The following RPS6KC1 variants were observed in gnomAD, a reference collection of about 807,000 sequenced individuals.
RPS6KC1 encodes the protein ribosomal protein S6 kinase C1.
In RPS6KC1, 54 loss-of-function variants were observed where a neutral mutation model predicts 103.8. The observed-to-expected ratio is 0.52, with a 90% CI of 0.42 to 0.65. RPS6KC1 has a LOEUF of 0.65. Ranked by LOEUF, RPS6KC1 falls within the 30% of genes least tolerant of loss-of-function variation. The pLI, the probability that RPS6KC1 is intolerant of heterozygous loss-of-function variation, is 0.00. For missense variants in RPS6KC1, 1,151 were observed against 1,253.8 expected (o/e 0.92, Z 1.24); for synonymous variants, 439 against 438.7 (o/e 1.00, Z -0.01).
the RPS6KC1 span, among the ~76,000 whole-genome samples, chr1:213,639,316 C>G: frequency 6.6e-6 from 1 of 152,010 alleles, no homozygotes; most frequent in Non-Finnish European, 1.5e-5. Context: ...CCTTTAAAAT[C>G]GATCTGCCTT....
At chr1:213,451,819 A>G in the RPS6KC1 span, among the ~76,000 whole-genome samples, 10 of 152,314 alleles carry the variant, frequency 6.6e-5, no homozygotes, top group African/African-American at 2.4e-4. Flanking sequence ...TTGAAGGCTA[A>G]AAGGTGAAGG....
At chr1:213,641,813 A>T in the RPS6KC1 span, among the ~76,000 whole-genome samples, 1 of 55,392 alleles carries the variant, frequency 1.8e-5, no homozygotes, top group Non-Finnish European at 3.7e-5. Context: ...TGCCCCACCC[A>T]CCCCCACCCC....
the RPS6KC1 span, among the ~76,000 whole-genome samples, chr1:213,673,576 T>TC: frequency 6.6e-6 from 1 of 152,144 alleles, no homozygotes; most frequent in African/African-American, 2.4e-5. Flanking sequence ...ACAAGCACTA[T>TC]CTATAGAAAT....
intron 12 of RPS6KC1, among the ~76,000 whole-genome samples, chr1:213,258,386 A>C (rs1196266346): frequency 6.6e-6 from 1 of 152,236 alleles, no homozygotes; most frequent in East Asian, 1.9e-4. Context: ...TGATATGATT[A>C]AAGAAAATGG....
the RPS6KC1 span, among the ~76,000 whole-genome samples, chr1:213,532,405 A>G: frequency 6.6e-6 from 1 of 150,538 alleles, no homozygotes; most frequent in Non-Finnish European, 1.5e-5. Context: ...TTTTCTGTGG[A>G]AAAAAAAGTC....
At chr1:213,450,435 T>A in the RPS6KC1 span, among the ~76,000 whole-genome samples, 2 of 152,054 alleles carry the variant, frequency 1.3e-5, no homozygotes, top group Non-Finnish European at 2.9e-5. Flanking sequence ...AGGAAAATCT[T>A]TGAACTAATC....
At chr1:213,609,965 C>T in the RPS6KC1 span, among the ~76,000 whole-genome samples, 306 of 151,964 alleles carry the variant, frequency 2.0e-3, 2 homozygotes, top group Middle Eastern at 6.9e-3. Context: ...TAAAAACCAG[C>T]GATATTGTAA....
At chr1:213,530,886 G>A in the RPS6KC1 span, among the ~76,000 whole-genome samples, 10 of 152,258 alleles carry the variant, frequency 6.6e-5, no homozygotes, top group Admixed American at 3.9e-4. Context: ...TGCCACTGAT[G>A]TTTTGCAGAC....
the RPS6KC1 span, among the ~76,000 whole-genome samples, chr1:213,748,631 C>A: frequency 6.6e-6 from 1 of 152,162 alleles, no homozygotes. Context: ...AAAATTAGTT[C>A]ATTTTGTGTT....
the RPS6KC1 span, among the ~76,000 whole-genome samples, chr1:213,481,563 ATT>A: frequency 6.6e-6 from 1 of 152,104 alleles, no homozygotes; most frequent in Admixed American, 6.6e-5. Flanking sequence ...TTCACCTAAA[ATT>A]TTATTTCACC....
the RPS6KC1 span, among the ~76,000 whole-genome samples, chr1:213,631,842 A>C: frequency 2.0e-5 from 3 of 152,162 alleles, no homozygotes; most frequent in Non-Finnish European, 4.4e-5. Flanking sequence ...AAAGTATTAC[A>C]CAGTAAAATT....
At chr1:213,681,749 G>C in the RPS6KC1 span, among the ~76,000 whole-genome samples, 5 of 152,136 alleles carry the variant, frequency 3.3e-5, no homozygotes, top group Admixed American at 1.3e-4. Flanking sequence ...AGTGAGCTTT[G>C]ATTGCACCAC....
At chr1:213,729,227 A>T in the RPS6KC1 span, among the ~76,000 whole-genome samples, 1 of 152,218 alleles carries the variant, frequency 6.6e-6, no homozygotes, top group East Asian at 1.9e-4. Context: ...TTCCAGAAGT[A>T]AGCAGGTTAC....
chr1:213,845,028 GC>G, the RPS6KC1 span, among the ~76,000 whole-genome samples: 104 of 150,802 alleles, frequency 6.9e-4, no homozygotes, highest in Non-Finnish European at 1.2e-3. Flanking sequence ...GAGGGCTTCT[GC>G]CCCCGCACTT....
At chr1:213,602,902 T>A in the RPS6KC1 span, among the ~76,000 whole-genome samples, 1 of 152,186 alleles carries the variant, frequency 6.6e-6, no homozygotes, top group Admixed American at 6.5e-5. Flanking sequence ...CAGAGCCACA[T>A]GGTCTGTTGG....
chr1:213,141,591 AG>A (rs199887411), intron 6 of RPS6KC1, among the ~76,000 whole-genome samples: 3 of 151,924 alleles, frequency 2.0e-5, no homozygotes, highest in Non-Finnish European at 4.4e-5. Context: ...AACTTAAAAA[AG>A]TCGTTTGTAT....
chr1:213,090,745 T>A (rs1481087559), intron 3 of RPS6KC1, among the ~76,000 whole-genome samples: 2 of 152,166 alleles, frequency 1.3e-5, no homozygotes, highest in Non-Finnish European at 2.9e-5. Context: ...AAAGGACTGT[T>A]GTTTATGTAG....
At chr1:213,795,280 A>C in the RPS6KC1 span, among the ~76,000 whole-genome samples, 1 of 152,224 alleles carries the variant, frequency 6.6e-6, no homozygotes, top group Non-Finnish European at 1.5e-5. Context: ...ATTCTGGAAT[A>C]GGACTTTGTA....
intron 10 of RPS6KC1, among the ~76,000 whole-genome samples, chr1:213,237,678 C>T (rs536208399): frequency 1.2e-4 from 19 of 152,040 alleles, no homozygotes; most frequent in Non-Finnish European, 1.9e-4. Flanking sequence ...AACAAACTTA[C>T]TTTGCAATCT....
Sources: gnomAD v4.1 joint callset for allele counts (sites outside exome capture counted in the v4.1 genomes callset) on GRCh38, gnomAD v4.1.1 for gene constraint, MANE v1.5 for transcripts, NCBI Gene and HGNC (gene_info 2026-07-23, HGNC 2026-07-21) for gene names.